Variants in CRYBG1 observed in about 807,000 individuals in gnomAD.
CRYBG1 encodes the protein crystallin beta-gamma domain containing 1, also known as beta/gamma crystallin domain-containing protein 1.
In CRYBG1, 139 loss-of-function variants were observed where a neutral mutation model predicts 189.2. The observed-to-expected ratio is 0.73, with a 90% confidence interval of 0.64 to 0.85. The LOEUF (loss-of-function observed/expected upper bound fraction) is 0.85. Among genes scored for constraint, CRYBG1 ranks in the 40% least tolerant of loss-of-function variants. The pLI is 0.00. For missense variants in CRYBG1, 2,611 were observed against 2,675.8 expected, an observed-to-expected ratio of 0.98 and a Z score of 0.53; for synonymous variants, 1,023 against 1,017.1, an observed-to-expected ratio of 1.01 and a Z score of -0.11.
intron 1 of CRYBG1, among the ~76,000 whole-genome samples, chr6:106,399,428 A>G (rs1010797178): frequency 3.9e-5 from 6 of 152,182 alleles, no homozygotes. Flanking sequence ...TTATATCCCA[A>G]TCATTAAATG....
intron 1 of CRYBG1, among the ~76,000 whole-genome samples, chr6:106,416,256 C>T (rs1338583249): frequency 1.3e-5 from 2 of 152,226 alleles, no homozygotes; most frequent in Non-Finnish European, 2.9e-5. Flanking sequence ...GAGTCCATAG[C>T]GTGATGAACA....
At chr6:106,470,602 G>A (rs1416986273) in intron 2 of CRYBG1, among the ~76,000 whole-genome samples, 3 of 151,940 alleles carry the variant, frequency 2.0e-5, no homozygotes, top group African/African-American at 4.8e-5. Context: ...AAATACTTCT[G>A]CACTATAAAA....
At position 106,544,632 on chromosome 6, in the gene CRYBG1, T is replaced by C. The variant is rs1316508941; in HGVS notation, c.5101T>C (p.Tyr1701His). The C allele has an allele frequency of 1.2e-6, 2 of 1,613,736 alleles. No individual in the cohort carries two copies. The highest frequency in any genetic ancestry group is 1.7e-6 in the Non-Finnish European group (2 of 1,179,640). Residue 1701 changes from tyrosine to histidine, a missense_variant, in exon 12 of 22, where the codon TAC becomes CAC. Coordinates refer to ENST00000633556, the MANE Select transcript of CRYBG1 (RefSeq NM_001371242.2). ...GHQYLLEEGE[Y>H]RDWKAWGGYN... is the part of the protein sequence containing the mutation. The stretch of plus-strand genomic sequence containing the variant: ...TCAGTATTTGCTAGAAGAAGGAGAA[T>C]ACAGGGACTGGAAAGCCTGGGGAGG...
intron 1 of CRYBG1, among the ~76,000 whole-genome samples, chr6:106,383,887 A>C (rs1938471934): frequency 6.6e-6 from 1 of 152,194 alleles, no homozygotes; most frequent in African/African-American, 2.4e-5. Flanking sequence ...AGATTAGTAC[A>C]TGGGGCTAGG....
At chr6:106,416,390 A>T (rs1771021315) in intron 1 of CRYBG1, among the ~76,000 whole-genome samples, 2 of 152,194 alleles carry the variant, frequency 1.3e-5, no homozygotes, top group African/African-American at 4.8e-5. Context: ...TGTTCCCCCT[A>T]TCGGAGACGG....
At chr6:106,480,791 A>C (rs1217263552) in intron 2 of CRYBG1, among the ~76,000 whole-genome samples, 1 of 151,748 alleles carries the variant, frequency 6.6e-6, no homozygotes. Flanking sequence ...GGCCAACATG[A>C]CAAAGCCCTG....
intron 3 of CRYBG1, 138 bp from the exon 4 acceptor site, chr6:106,518,993 A>G: frequency 1.2e-6 from 1 of 805,296 alleles, no homozygotes; most frequent in Non-Finnish European, 1.8e-6. Context: ...ACACACACAT[A>G]CACACACACA....
At chr6:106,499,920 T>C (rs930445036) in intron 2 of CRYBG1, among the ~76,000 whole-genome samples, 6 of 152,238 alleles carry the variant, frequency 3.9e-5, no homozygotes, top group South Asian at 2.1e-4. Flanking sequence ...TCATGTGTTA[T>C]TTATCCTTCT....
At chr6:106,444,403 C>A (rs1227208875) in intron 1 of CRYBG1, among the ~76,000 whole-genome samples, 1 of 152,176 alleles carries the variant, frequency 6.6e-6, no homozygotes, top group Non-Finnish European at 1.5e-5. Flanking sequence ...CTTGATAAAA[C>A]CGAGCCGTTC....
intron 1 of CRYBG1, among the ~76,000 whole-genome samples, chr6:106,434,506 A>T (rs1463079973): frequency 1.3e-5 from 2 of 152,190 alleles, no homozygotes; most frequent in African/African-American, 4.8e-5. Context: ...AGGAGTGCTT[A>T]TTCCTCTTCA....
intron 1 of CRYBG1, among the ~76,000 whole-genome samples, chr6:106,432,761 C>G (rs1404000393): frequency 6.6e-6 from 1 of 152,170 alleles, no homozygotes; most frequent in African/African-American, 2.4e-5. Context: ...CATTAAACCC[C>G]TGGGCTTTAC....
chr6:106,564,404 G>A (rs9486397), intron 21 of CRYBG1, among the ~76,000 whole-genome samples: 21,322 of 152,214 alleles, frequency 0.14, 1,690 homozygotes, highest in African/African-American at 0.2. Flanking sequence ...AAAGATCTAA[G>A]ATCTCAAAGG....
Position 106,512,948 on chromosome 6 carries a change from GC to G in CRYBG1, c.1833del (p.Gly612GlufsTer11), listed in dbSNP as rs1773330003. On this transcript the variant is annotated frameshift_variant, in exon 3 of 22. Transcript: ENST00000633556. LOFTEE classifies it high-confidence loss of function. ...TCGAAGCAGAGAGCTGGGCAGAGCG[GC>G]CGGAGCGCCTGGAGCTTCTGACGCC... ...GGRSRELGRA[A>X]GAPGASDADG... 1 of 1,610,492 alleles carries G rather than the reference GC, an allele frequency of 6.2e-7. No homozygotes were observed. Among genetic ancestry groups the G allele is most frequent in the South Asian group, 1.1e-5 (1 of 90,614 alleles).
intron 2 of CRYBG1, among the ~76,000 whole-genome samples, chr6:106,466,734 A>G (rs1393130745): frequency 1.3e-5 from 2 of 152,252 alleles, no homozygotes; most frequent in Non-Finnish European, 2.9e-5. Flanking sequence ...AGTTGAAGAC[A>G]TAAGAGAACA....
intron 1 of CRYBG1, among the ~76,000 whole-genome samples, chr6:106,392,575 T>C (rs916877973): frequency 1.3e-5 from 2 of 152,178 alleles, no homozygotes; most frequent in Admixed American, 1.3e-4. Context: ...CTGATAGGAC[T>C]GATACCATCT....
Position 106,446,872 on chromosome 6 carries a change from C to T in CRYBG1, c.174-4822C>T, listed in dbSNP as rs140419158. ...ACTTGGGAAAGGGAAAACAGTCTTG[C>T]CGTTATTAATTTTGCTACCAACTTA... On this transcript the variant is annotated intron_variant, in intron 1 of 21. Coordinates refer to ENST00000633556, the MANE Select transcript of CRYBG1 (RefSeq NM_001371242.2). Among the ~76,000 whole-genome samples the T allele has an allele frequency of 9.1e-3, 1,379 of 152,278 alleles. 19 individuals carry two copies. Among genetic ancestry groups the T allele is most frequent in the African/African-American group, 0.031 (1,282 of 41,528 alleles).
At chr6:106,481,436 A>G (rs1772454898) in intron 2 of CRYBG1, among the ~76,000 whole-genome samples, 1 of 152,148 alleles carries the variant, frequency 6.6e-6, no homozygotes, top group South Asian at 2.1e-4. Context: ...TTGCCACCCC[A>G]TGCTGGTCTT....
chr6:106,437,910 C>T (rs927016), intron 1 of CRYBG1, among the ~76,000 whole-genome samples: 87,671 of 152,040 alleles, frequency 0.58, 25,550 homozygotes, highest in East Asian at 0.82. Context: ...AAGGAATGGA[C>T]GATATAGAGA....
At chr6:106,448,505 C>T (rs1378520705) in intron 1 of CRYBG1, among the ~76,000 whole-genome samples, 1 of 152,168 alleles carries the variant, frequency 6.6e-6, no homozygotes, top group Non-Finnish European at 1.5e-5. Flanking sequence ...TTGGATAGCA[C>T]ACTGTGTCGA....
Sources: gnomAD v4.1 joint callset for allele counts (sites outside exome capture counted in the v4.1 genomes callset) on GRCh38, gnomAD v4.1.1 for gene constraint, MANE v1.5 for transcripts, NCBI Gene and HGNC (gene_info 2026-07-23, HGNC 2026-07-21) for gene names.